FMR1NB: variants seen among roughly 807,000 people sequenced by gnomAD.
The protein encoded by FMR1NB is FMR1 neighbor.
Under a neutral mutation model 16.8 loss-of-function variants are expected in FMR1NB, and 10 were observed. The observed-to-expected ratio is 0.60, with a 90% CI of 0.37 to 1.01. The LOEUF is 1.01. Among genes scored for constraint, FMR1NB ranks in the 50% least tolerant of loss-of-function variants. FMR1NB has a pLI of 0.01. For missense variants in FMR1NB, 205 were observed against 204.8 expected, an observed-to-expected ratio of 1.00 and a Z score of 0.00; for synonymous variants, 83 against 79.1, an observed-to-expected ratio of 1.05 and a Z score of -0.26.
At chrX:148,009,513 C>CT (rs35034562) in intron 4 of FMR1NB, among the ~76,000 whole-genome samples, 197 of 97,171 alleles carry the variant, frequency 2.0e-3, no homozygotes, top group African/African-American at 2.2e-3. Flanking sequence ...TGCTTCCAAG[C>CT]TTTTTTTTTT....
intron 3 of FMR1NB, 79 bp from the exon 4 acceptor site, chrX:148,008,539 A>T: frequency 2.1e-6 from 2 of 956,089 alleles, no homozygotes; most frequent in Non-Finnish European, 2.9e-6. Flanking sequence ...TAGTTTCTTT[A>T]TAAAGACTTT....
At chrX:147,984,058 A>T (rs1289037003) in intron 1 of FMR1NB, among the ~76,000 whole-genome samples, 3 of 111,980 alleles carry the variant, frequency 2.7e-5, no homozygotes, top group African/African-American at 9.7e-5. Context: ...TGGACTCTGA[A>T]TTTTATTCTG....
In FMR1NB at chrX:148,008,311, A is replaced by G. The variant is rs782324341; in HGVS notation, c.539-307A>G. 7 of 216,676 alleles carry G rather than the reference A, an allele frequency of 3.2e-5. No individual in the cohort carries two copies. The South Asian group carries it at 5.8e-4, about 18-fold the overall frequency. 17.9% of individuals were successfully genotyped at this position (216,676 alleles called of 1,213,427 possible). A position where few individuals can be genotyped will look rare whatever the true frequency, so the allele number is the denominator to read the frequency against. On this transcript the variant is annotated intron_variant, in intron 3 of 5. Transcript: ENST00000370467. ...AACATATGGCCAAGAGAAAAAGCCA[A>G]TTTAGGGCCAGAGGAAGAAATATCG...
At chrX:148,018,052 C>T (rs1403194624) in intron 4 of FMR1NB, among the ~76,000 whole-genome samples, 1 of 107,434 alleles carries the variant, frequency 9.3e-6, no homozygotes, top group Non-Finnish European at 1.9e-5. Flanking sequence ...TGGGTATATA[C>T]CCAGTAATGG....
chrX:147,990,262 C>G (rs1440156616), intron 1 of FMR1NB, among the ~76,000 whole-genome samples: 1 of 111,311 alleles, frequency 9.0e-6, no homozygotes, highest in Non-Finnish European at 1.9e-5. Context: ...GCTCCTTGCA[C>G]TTCCCAGGTA....
Position 148,003,184 on chromosome X carries a change from T to A in FMR1NB, c.278-17T>A. On this transcript the variant is annotated splice_polypyrimidine_tract_variant and intron_variant, in intron 1 of 5. Transcript: ENST00000370467. ...ATGCTTTATATGTTGGGATTAATAA[T>A]TTTACTTCTTCTTAAGGGTCCTCAT... 1.7e-6 allele frequency: 2 copies of A among 1,201,506 alleles called. No homozygotes were observed. The highest frequency in any genetic ancestry group is 2.2e-6 in the Non-Finnish European group (2 of 889,064).
intron 1 of FMR1NB, among the ~76,000 whole-genome samples, chrX:147,997,915 C>T (rs138805804): frequency 0.031 from 3,527 of 112,394 alleles, 80 homozygotes; most frequent in Non-Finnish European, 0.05. Context: ...TACCATCTCT[C>T]GCCTGTTAGA....
At chrX:148,004,922 G>T (rs992584517) in intron 2 of FMR1NB, among the ~76,000 whole-genome samples, 1 of 112,361 alleles carries the variant, frequency 8.9e-6, no homozygotes, top group East Asian at 2.8e-4. Flanking sequence ...ACAGAGTCTC[G>T]CTCTGTTGCC....
intron 4 of FMR1NB, among the ~76,000 whole-genome samples, chrX:148,013,999 G>T (rs190668244): frequency 8.4e-4 from 93 of 111,131 alleles, no homozygotes; most frequent in Non-Finnish European, 5.1e-4. Context: ...TCTGGAATTT[G>T]CCCCTTCTCC....
intron 4 of FMR1NB, 46 bp downstream of exon 4, chrX:148,008,757 A>AT: frequency 9.4e-7 from 1 of 1,060,281 alleles, no homozygotes; most frequent in Non-Finnish European, 1.3e-6. Context: ...AGTATACATG[A>AT]GTATTTGTGT....
intron 1 of FMR1NB, among the ~76,000 whole-genome samples, chrX:147,992,088 T>A (rs909504283): frequency 8.9e-6 from 1 of 111,961 alleles, no homozygotes; most frequent in African/African-American, 3.2e-5. Context: ...ACTATCTGAC[T>A]TCTCAATCCC....
chrX:148,025,491 A>G (rs2044699453), intron 5 of FMR1NB, among the ~76,000 whole-genome samples: 1 of 111,583 alleles, frequency 9.0e-6, no homozygotes, highest in African/African-American at 3.3e-5. Flanking sequence ...AGGTTGAGAG[A>G]GGGATCCCAG....
intron 1 of FMR1NB, among the ~76,000 whole-genome samples, chrX:147,990,930 T>A (rs1239970476): frequency 9.1e-6 from 1 of 110,234 alleles, no homozygotes; most frequent in Non-Finnish European, 1.9e-5. Context: ...CTTAAAGCTT[T>A]TCCACCCCTA....
chrX:148,008,345 A>G, intron 3 of FMR1NB: 1 of 292,588 alleles, frequency 3.4e-6, no homozygotes, highest in Non-Finnish European at 6.0e-6. Context: ...CGTATGCATC[A>G]TAGTAATCAA....
intron 4 of FMR1NB, among the ~76,000 whole-genome samples, chrX:148,023,211 A>G (rs1430305463): frequency 8.9e-6 from 1 of 111,769 alleles, no homozygotes; most frequent in Non-Finnish European, 1.9e-5. Flanking sequence ...GGTACTGAGA[A>G]CTGTGTAGTT....
Position 147,981,354 on chromosome X carries a change from G to A in FMR1NB, c.-49G>A, listed in dbSNP as rs370614051. 5.6e-6 allele frequency: 5 copies of A among 894,435 alleles called. No homozygotes were observed. Among genetic ancestry groups the A allele is most frequent in the Non-Finnish European group, 7.0e-6 (5 of 712,177 alleles). The allele number at this position is 894,435 out of a possible 1,213,427, so 73.7% of individuals were successfully genotyped here. Reference sequence around the variant, plus strand: ...GGAAGCTTCTGGGCCACGGACTGCCGGACCGTTGGGCTGTGAGGCAGCGTC... The same window carrying A: ...GGAAGCTTCTGGGCCACGGACTGCCAGACCGTTGGGCTGTGAGGCAGCGTC... On this transcript the variant is annotated 5_prime_UTR_variant, in exon 1 of 6. Transcript: ENST00000370467.
intron 1 of FMR1NB, among the ~76,000 whole-genome samples, chrX:147,994,131 C>A (rs1468360391): frequency 9.0e-6 from 1 of 111,385 alleles, no homozygotes; most frequent in African/African-American, 3.3e-5. Context: ...AGCTCCAGAC[C>A]CAAGCCCAAA....
intron 1 of FMR1NB, among the ~76,000 whole-genome samples, chrX:147,986,196 C>A (rs2044475879): frequency 8.9e-6 from 1 of 112,018 alleles, no homozygotes; most frequent in African/African-American, 3.2e-5. Flanking sequence ...TTTGTTTAAG[C>A]TCCTTGTAGA....
chrX:148,024,959 C>A lies in FMR1NB; in HGVS notation c.727C>A (p.Gln243Lys), dbSNP rs782190574. 2 of 1,210,763 alleles carry A rather than the reference C, an allele frequency of 1.7e-6. No individual in the cohort carries two copies. The highest frequency in any genetic ancestry group is 2.2e-6 in the Non-Finnish European group (2 of 894,895). The change falls in exon 5 of 6, where the codon CAG becomes AAG. Residue 243 changes from glutamine (Q) to lysine (K), a missense_variant. Physicochemically the swap from Gln to Lys is moderately conservative, Grantham distance 53. Transcript: ENST00000370467. The part of the protein sequence containing the change: ...RKRKRKSEML[Q>K]KAARGREEHG... ...GCGAAAGAGGAAGTCTGAAATGTTA[C>A]AGAAAGCAGCAAGAGGACGTGAGGA... is the stretch of plus-strand genomic sequence containing the variant.
Sources: allele counts gnomAD v4.1 joint callset (sites outside exome capture counted in the v4.1 genomes callset), GRCh38; gene constraint gnomAD v4.1.1; transcripts MANE v1.5; gene names NCBI Gene and HGNC (gene_info 2026-07-23, HGNC 2026-07-21).